TCF4: variants seen among roughly 807,000 people sequenced by gnomAD.
TCF4 encodes SL3-3 enhancer factor 2.
A neutral mutation model predicts 82.1 loss-of-function variants in TCF4; 3 were observed. The observed-to-expected ratio is 0.04, with a 90% CI of 0.02 to 0.09. The LOEUF is 0.09. Ranked by LOEUF, TCF4 falls within the 10% of genes least tolerant of loss-of-function variation. TCF4 has a pLI of 1.00. For missense variants in TCF4, 518 were observed against 852.7 expected (o/e 0.61, Z 4.89); for synonymous variants, 276 against 309.6 (o/e 0.89, Z 1.14).
At chr18:55,319,343 C>T (rs1032677862) in intron 8 of TCF4, among the ~76,000 whole-genome samples, 7 of 152,094 alleles carry the variant, frequency 4.6e-5, no homozygotes, top group Non-Finnish European at 1.0e-4. Context: ...GTAGAATAAA[C>T]AAAAATCTGC....
rs558489756 is a variant in TCF4, at chr18:55,398,435, A to G, written c.369+5019T>C. Among the ~76,000 whole-genome samples, 8 of 152,298 alleles carry G rather than the reference A, an allele frequency of 5.3e-5. No homozygotes were observed. In the South Asian group the frequency reaches 8.3e-4, roughly 16 times the overall value. On this transcript the variant is annotated intron_variant, in intron 6 of 19. Transcript: ENST00000354452. ...AACAACACCTCTGCCAGAACCACAG[A>G]TCATCTATAATTCCCTCATTCAGGC...
At chr18:55,270,093 A>C (rs551036424) in intron 10 of TCF4, 130 bp from the exon 11 acceptor site, 7 of 1,175,840 alleles carry the variant, frequency 6.0e-6, no homozygotes, top group Non-Finnish European at 8.7e-6. Flanking sequence ...AATAGCCAAG[A>C]ATATATCTTG....
At chr18:55,592,876 G>C (rs923105454), upstream of TCF4, among the ~76,000 whole-genome samples, 1 of 152,136 alleles carries the variant, frequency 6.6e-6, no homozygotes, top group African/African-American at 2.4e-5. Flanking sequence ...TCCAAGAAAA[G>C]CAGACAAACA....
At chr18:55,355,363 C>G (rs2144958356) in intron 6 of TCF4, among the ~76,000 whole-genome samples, 1 of 152,246 alleles carries the variant, frequency 6.6e-6, no homozygotes, top group East Asian at 1.9e-4. Context: ...TTTTCAAAGA[C>G]ACTGCTGAAT....
chr18:55,431,751 G>A (rs568115478), intron 5 of TCF4, among the ~76,000 whole-genome samples: 1 of 152,310 alleles, frequency 6.6e-6, no homozygotes, highest in African/African-American at 2.4e-5. Flanking sequence ...CGTTAAGACT[G>A]CAGGTGCTGG....
At chr18:55,377,967 C>T (rs1788030) in intron 6 of TCF4, among the ~76,000 whole-genome samples, 88,590 of 152,058 alleles carry the variant, frequency 0.58, 27,881 homozygotes, top group African/African-American at 0.83. Context: ...GTTACTGTGC[C>T]ATTTTGTAAC....
At chr18:55,241,979 A>G (rs1338310455) in intron 15 of TCF4, among the ~76,000 whole-genome samples, 1 of 152,046 alleles carries the variant, frequency 6.6e-6, no homozygotes, top group Admixed American at 6.5e-5. Flanking sequence ...ATTCCTCACT[A>G]TCAATGTTCA....
chr18:55,456,775 T>C (rs1031040085), intron 5 of TCF4, among the ~76,000 whole-genome samples: 1 of 152,152 alleles, frequency 6.6e-6, no homozygotes, highest in Admixed American at 6.5e-5. Flanking sequence ...AGCATATAAA[T>C]AACCCTCTTA....
intron 5 of TCF4, among the ~76,000 whole-genome samples, chr18:55,457,790 C>T (rs2095794716): frequency 6.6e-6 from 1 of 152,054 alleles, no homozygotes; most frequent in Admixed American, 6.6e-5. Flanking sequence ...AATTTCAGTG[C>T]CAAATAGAAG....
At chr18:55,576,028 G>A (rs2097525365) in intron 3 of TCF4, among the ~76,000 whole-genome samples, 1 of 152,142 alleles carries the variant, frequency 6.6e-6, no homozygotes, top group Non-Finnish European at 1.5e-5. Context: ...TTATAATGAT[G>A]AATTTTTGCA....
intron 3 of TCF4, among the ~76,000 whole-genome samples, chr18:55,476,965 C>T (rs2096303741): frequency 6.6e-6 from 1 of 152,158 alleles, no homozygotes; most frequent in African/African-American, 2.4e-5. Context: ...TCAGCATACA[C>T]ACACACACGA....
Position 55,232,893 on chromosome 18 carries a change from T to C in TCF4, c.1487-222A>G, listed in dbSNP as rs1312964631. ...AATTCTATTTTGCAATCTTTTGGAG[T>C]AGATGGTAATTTCACTGTCTACAAA... On this transcript the variant is annotated intron_variant, in intron 16 of 19. Coordinates refer to ENST00000354452, the MANE Select transcript of TCF4 (RefSeq NM_001083962.2). Among the ~76,000 whole-genome samples, 3 of 152,168 alleles carry C rather than the reference T, an allele frequency of 2.0e-5. No homozygotes were observed. In the East Asian group the frequency reaches 5.8e-4, roughly 29 times the overall value.
chr18:55,316,634 A>G (rs1195895206), intron 8 of TCF4, among the ~76,000 whole-genome samples: 1 of 152,186 alleles, frequency 6.6e-6, no homozygotes, highest in East Asian at 1.9e-4. Context: ...CAACAAAAAA[A>G]GCCGAACAGG....
At chr18:55,612,369 AT>A (rs1269464981) in intron 2 of TCF4, among the ~76,000 whole-genome samples, 1 of 152,128 alleles carries the variant, frequency 6.6e-6, no homozygotes, top group Non-Finnish European at 1.5e-5. Context: ...TCTATCTTTT[AT>A]TTTATTTGCT....
chr18:55,350,944 T>C lies in TCF4; in HGVS notation c.429A>G (p.Lys143=). ...MGNPGTLSPT[K]PGSQYYQYSS... The stretch of plus-strand genomic sequence containing the variant: ...AATACTGATAGTACTGGGAACCAGG[T>C]TTGGTGGGCGAAAGGGTTCCTGGGT... The change falls in exon 7 of 20, where the codon AAA becomes AAG. Residue 143 remains lysine, a synonymous_variant. Transcript: ENST00000354452. 6.2e-7 allele frequency: 1 copy of C among 1,613,662 alleles called. No individual in the cohort carries two copies. The highest frequency in any genetic ancestry group is 1.1e-5 in the South Asian group (1 of 91,072).
At chr18:55,490,160 T>A (rs528347591) in intron 3 of TCF4, among the ~76,000 whole-genome samples, 1 of 152,248 alleles carries the variant, frequency 6.6e-6, no homozygotes, top group South Asian at 2.1e-4. Flanking sequence ...TACCAAGAAA[T>A]TAAAATAAGA....
chr18:55,361,857 G>A (rs1165457461), intron 6 of TCF4, among the ~76,000 whole-genome samples: 1 of 152,218 alleles, frequency 6.6e-6, no homozygotes, highest in Non-Finnish European at 1.5e-5. Context: ...AACCCCTCAA[G>A]GAGGGGATTC....
chr18:55,305,522 C>A (rs2069989148), intron 8 of TCF4, among the ~76,000 whole-genome samples: 1 of 152,114 alleles, frequency 6.6e-6, no homozygotes, highest in Admixed American at 6.5e-5. Flanking sequence ...TCAATTAATA[C>A]TCCAGAATGC....
chr18:55,414,946 T>C (rs2094475058), intron 5 of TCF4, among the ~76,000 whole-genome samples: 1 of 152,236 alleles, frequency 6.6e-6, no homozygotes, highest in Admixed American at 6.5e-5. Context: ...TCATTTTCCT[T>C]GGCAAAGCAA....
Sources: allele counts gnomAD v4.1 joint callset (sites outside exome capture counted in the v4.1 genomes callset), GRCh38; gene constraint gnomAD v4.1.1; transcripts MANE v1.5; gene names NCBI Gene and HGNC (gene_info 2026-07-23, HGNC 2026-07-21).